The following PTPRR variants were observed in gnomAD, a reference collection of about 807,000 sequenced individuals.
PTPRR encodes the protein protein tyrosine phosphatase receptor type R, also known as receptor-type tyrosine-protein phosphatase R.
Under a neutral mutation model 77.2 loss-of-function variants are expected in PTPRR, and 38 were observed. The observed-to-expected ratio is 0.49, with a 90% CI of 0.38 to 0.65. The LOEUF (loss-of-function observed/expected upper bound fraction) is 0.65, where lower values mean the gene tolerates loss of function less well. Among genes scored for constraint, PTPRR ranks in the 30% least tolerant of loss-of-function variants. The probability of loss-of-function intolerance (pLI) is 0.00; values close to 1 mark genes in which losing one functional copy is unlikely to be tolerated. For missense variants in PTPRR, 744 were observed against 799.2 expected, an observed-to-expected ratio of 0.93 and a Z score of 0.83; for synonymous variants, 299 against 283.1, an observed-to-expected ratio of 1.06 and a Z score of -0.57.
chr12:70,672,798 G>A, intron 10 of PTPRR: 1 of 1,563,872 alleles, frequency 6.4e-7, no homozygotes, highest in Non-Finnish European at 8.7e-7. Flanking sequence ...TCTTTCTCAA[G>A]AAGGGAGATG....
At chr12:70,911,750 GAA>G (rs35226592) in intron 1 of PTPRR, among the ~76,000 whole-genome samples, 2 of 105,804 alleles carry the variant, frequency 1.9e-5, no homozygotes, top group Non-Finnish European at 3.8e-5. Flanking sequence ...AGGCTCAACT[GAA>G]AAAAAAAAAA....
chr12:70,658,762 G>A (rs1886674279), intron 12 of PTPRR, among the ~76,000 whole-genome samples: 1 of 149,666 alleles, frequency 6.7e-6, no homozygotes, highest in African/African-American at 2.5e-5. Flanking sequence ...AAGACTATAA[G>A]CTTCCACTCT....
At chr12:70,813,085 C>T (rs1375237961) in intron 2 of PTPRR, among the ~76,000 whole-genome samples, 1 of 152,316 alleles carries the variant, frequency 6.6e-6, no homozygotes, top group African/African-American at 2.4e-5. Context: ...TCCAAACTCT[C>T]TCTTGTATAA....
chr12:70,638,236 A>C lies in PTPRR; in HGVS notation c.*948T>G, dbSNP rs548372502. ...AGCTTTCAGAAATGTAAGGACATAC[A>C]TGGAAATGTCCTTATAAGGAGCCTC... On this transcript the variant is annotated 3_prime_UTR_variant, in exon 14 of 14. Transcript: ENST00000283228. The C allele has an allele frequency of 1.3e-5, 2 of 152,546 alleles. No homozygotes were observed. Among genetic ancestry groups the C allele is most frequent in the Non-Finnish European group, 2.9e-5 (2 of 68,004 alleles). 9.4% of individuals were successfully genotyped at this position (152,546 alleles called of 1,614,324 possible). A position where few individuals can be genotyped will look rare whatever the true frequency, so the allele number is the denominator to read the frequency against.
At chr12:70,783,335 C>T (rs1438157977) in intron 2 of PTPRR, among the ~76,000 whole-genome samples, 1 of 151,988 alleles carries the variant, frequency 6.6e-6, no homozygotes, top group Non-Finnish European at 1.5e-5. Context: ...ACATCTACTG[C>T]TCTCAGCAGA....
At chr12:70,771,290 G>T (rs1195389978) in intron 2 of PTPRR, among the ~76,000 whole-genome samples, 3 of 152,120 alleles carry the variant, frequency 2.0e-5, no homozygotes, top group African/African-American at 7.2e-5. Flanking sequence ...GCAAAGTAAT[G>T]CAGGAACAGG....
chr12:70,707,436 T>C (rs1348681378), intron 6 of PTPRR, among the ~76,000 whole-genome samples: 1 of 96,406 alleles, frequency 1.0e-5, no homozygotes, highest in Non-Finnish European at 2.4e-5. Flanking sequence ...AACTATATCA[T>C]GAATGTCTTT....
chr12:70,701,725 C>A (rs1015923048), intron 6 of PTPRR, among the ~76,000 whole-genome samples: 5 of 152,114 alleles, frequency 3.3e-5, no homozygotes, highest in Non-Finnish European at 7.4e-5. Flanking sequence ...GCAATCCCAG[C>A]ACTTTGGGAG....
rs1368541142 is a variant in PTPRR, at chr12:70,761,604, AGTTCAATACT to A, written c.484_493del (p.Ser162CysfsTer6). ...TTTTCGGTTTATGGGAGACACAAAC[AGTTCAATACT>A]GTTCTTCTTTCCCTAATAAAAGCAG... On this transcript the variant is annotated frameshift_variant, in exon 4 of 14. Transcript: ENST00000283228. LOFTEE classifies it high-confidence loss of function. 6.3e-7 allele frequency: 1 copy of A among 1,595,352 alleles called. No homozygotes were observed. The highest frequency in any genetic ancestry group is 1.3e-5 in the African/African-American group (1 of 74,266).
chr12:70,707,954 A>G lies in PTPRR; in HGVS notation c.1008-6631T>C, dbSNP rs60972392. Among the ~76,000 whole-genome samples, 1,026 of 152,002 alleles carry G rather than the reference A, an allele frequency of 6.7e-3. 14 individuals are homozygous for G. Among genetic ancestry groups the G allele is most frequent in the African/African-American group, 0.024 (982 of 41,472 alleles). On this transcript the variant is annotated intron_variant, in intron 6 of 13. Coordinates refer to ENST00000283228, the MANE Select transcript of PTPRR (RefSeq NM_002849.4). ...TAATCTATCTACTGTGTATTTCTCC[A>G]TCCTCATCTCCTGTCACATTCTCAT...
At chr12:70,900,190 A>G (rs1253557612) in intron 1 of PTPRR, among the ~76,000 whole-genome samples, 2 of 151,446 alleles carry the variant, frequency 1.3e-5, no homozygotes, top group East Asian at 3.9e-4. Context: ...ATAAATAGAA[A>G]GCTAAAACAA....
At chr12:70,807,599 C>T (rs1230591705) in intron 2 of PTPRR, among the ~76,000 whole-genome samples, 1 of 152,104 alleles carries the variant, frequency 6.6e-6, no homozygotes, top group East Asian at 1.9e-4. Flanking sequence ...CCGGCTGAAG[C>T]CATGGCAGAA....
chr12:70,721,642 C>CT (rs1172004930), intron 6 of PTPRR, among the ~76,000 whole-genome samples: 2 of 152,108 alleles, frequency 1.3e-5, no homozygotes, highest in Admixed American at 1.3e-4. Context: ...TGATCTTGGG[C>CT]TTTTTTCTAC....
At chr12:70,719,851 A>AT (rs1253413264) in intron 6 of PTPRR, among the ~76,000 whole-genome samples, 1 of 152,136 alleles carries the variant, frequency 6.6e-6, no homozygotes, top group Non-Finnish European at 1.5e-5. Flanking sequence ...TGTTTATCTG[A>AT]TTTGCCTTTA....
intron 2 of PTPRR, among the ~76,000 whole-genome samples, chr12:70,828,054 A>G (rs1376704302): frequency 6.6e-6 from 1 of 152,132 alleles, no homozygotes; most frequent in Admixed American, 6.5e-5. Context: ...AATCCCGGTC[A>G]TGAAGGTTCT....
chr12:70,864,341 G>T (rs1892804359), intron 2 of PTPRR, among the ~76,000 whole-genome samples: 1 of 152,162 alleles, frequency 6.6e-6, no homozygotes, highest in South Asian at 2.1e-4. Context: ...TTTCTGGTCA[G>T]CCAAAGATAG....
At chr12:70,754,341 C>T (rs995295847) in intron 4 of PTPRR, 40 bp from the exon 5 acceptor site, 6 of 1,609,130 alleles carry the variant, frequency 3.7e-6, no homozygotes, top group Admixed American at 1.7e-5. Flanking sequence ...TAAATGAGAG[C>T]TTGAGAAAAC....
chr12:70,885,643 T>G (rs1893226907), intron 2 of PTPRR, among the ~76,000 whole-genome samples: 1 of 151,558 alleles, frequency 6.6e-6, no homozygotes, highest in African/African-American at 2.4e-5. Flanking sequence ...CATGCCATTC[T>G]CCTGCCTCAG....
intron 2 of PTPRR, among the ~76,000 whole-genome samples, chr12:70,885,606 C>G (rs529399349): frequency 6.7e-6 from 1 of 149,716 alleles, no homozygotes; most frequent in African/African-American, 2.5e-5. Context: ...ACAATCTCAG[C>G]TCACTGCAAG....
Sources: gnomAD v4.1 joint callset for allele counts (sites outside exome capture counted in the v4.1 genomes callset) on GRCh38, gnomAD v4.1.1 for gene constraint, MANE v1.5 for transcripts, NCBI Gene and HGNC (gene_info 2026-07-23, HGNC 2026-07-21) for gene names.